The following ZNF646 variants were observed in gnomAD, a reference collection of about 807,000 sequenced individuals.
ZNF646 encodes zinc finger protein 646.
Under a neutral mutation model 115.4 loss-of-function variants are expected in ZNF646, and 49 were observed. That is an observed-to-expected ratio of 0.42 (90% confidence interval 0.34 to 0.54). The LOEUF (loss-of-function observed/expected upper bound fraction) is 0.54, where lower values mean the gene tolerates loss of function less well. Ranked by LOEUF, ZNF646 falls within the 20% of genes least tolerant of loss-of-function variation. The pLI is 0.04. For synonymous variants in ZNF646, 933 were observed against 939.0 expected, an observed-to-expected ratio of 0.99 and a Z score of 0.12; for missense variants, 2,269 against 2,457.9, an observed-to-expected ratio of 0.92 and a Z score of 1.62.
intron 2 of ZNF646, 114 bp downstream of exon 2, chr16:31,081,815 G>A: frequency 4.9e-6 from 7 of 1,426,810 alleles, no homozygotes; most frequent in South Asian, 1.5e-5. Flanking sequence ...GGGATTCTAA[G>A]AGGTGGGTGG....
chr16:31,083,956 C>T lies in ZNF646; in HGVS notation c.*864C>T. On this transcript the variant is annotated 3_prime_UTR_variant, in exon 3 of 3. Transcript: ENST00000300850. ...GCTCAAAGCGGTTGAGCAGCCTGCT[C>T]CAAGTCACACGATGACAAAGAACCA... 6.6e-7 allele frequency: 1 copy of T among 1,511,280 alleles called. No individual in the cohort carries two copies. The highest frequency in any genetic ancestry group is 8.9e-7 in the Non-Finnish European group (1 of 1,125,468). The allele number at this position is 1,511,280 out of a possible 1,614,324, so 93.6% of individuals were successfully genotyped here.
rs201332423 is a variant in ZNF646, at chr16:31,080,884, C to T, written c.4560C>T (p.Asp1520=). The T allele has an allele frequency of 2.5e-6, 4 of 1,614,118 alleles. No homozygotes were observed. Among genetic ancestry groups the T allele is most frequent in the Non-Finnish European group, 2.5e-6 (3 of 1,180,024 alleles). Residue 1520 remains aspartate (D), a synonymous_variant, in exon 2 of 3, where the codon GAC becomes GAT. Coordinates refer to ENST00000300850, the MANE Select transcript of ZNF646 (RefSeq NM_014699.4). The part of the protein sequence containing the change: ...LSHMDSWDNR[D]NSSQLQPGSH... ...ACATGGATAGCTGGGACAACAGAGA[C>T]AACAGCTCTCAGCTGCAGCCAGGGA...
At position 31,077,800 on chromosome 16, in the gene ZNF646, C is replaced by A; in HGVS notation, c.1476C>A (p.Tyr492Ter). ...GCCACAGCCATCGGACTGGAGAGTACCAGTGCTCACTCTGTCCCCGCAAGT... is the reference window on the plus strand; with the variant it reads ...GCCACAGCCATCGGACTGGAGAGTAACAGTGCTCACTCTGTCCCCGCAAGT... Reference protein sequence around the residue: ...NHRHSHRTGEYQCSLCPRKYP... With the variant: ...NHRHSHRTGE Residue 492 changes from tyrosine (Y) to a stop codon, truncating the protein, a stop_gained, in exon 2 of 3, where the codon TAC becomes TAA. Transcript: ENST00000300850. LOFTEE classifies it high-confidence loss of function. 6.2e-7 allele frequency: 1 copy of A among 1,613,930 alleles called. No homozygotes were observed. The highest frequency in any genetic ancestry group is 8.5e-7 in the Non-Finnish European group (1 of 1,180,032).
chr16:31,082,874 G>A, intron 2 of ZNF646, 97 bp from the exon 3 acceptor site: 3 of 1,476,356 alleles, frequency 2.0e-6, no homozygotes, highest in East Asian at 5.4e-5. Context: ...GGGCCTCCGG[G>A]GCCAGGGGCA....
chr16:31,078,906 C>T lies in ZNF646; in HGVS notation c.2582C>T (p.Pro861Leu). 3 of 1,613,736 alleles carry T rather than the reference C, an allele frequency of 1.9e-6. No individual in the cohort carries two copies. Among genetic ancestry groups the T allele is most frequent in the Non-Finnish European group, 2.5e-6 (3 of 1,180,032 alleles). Residue 861 changes from proline to leucine, a missense_variant, in exon 2 of 3, where the codon CCT becomes CTT. Pro to Leu is a moderately conservative substitution (Grantham distance 98). Transcript: ENST00000300850. Reference sequence around the variant, plus strand: ...TGCCCGAAGGAGTTTGACTCTCTGCCTGCCCTCCGCAGCCACTTCCAGAAC... The same window carrying T: ...TGCCCGAAGGAGTTTGACTCTCTGCTTGCCCTCCGCAGCCACTTCCAGAAC... ...SLCPKEFDSL[P>L]ALRSHFQNHR...
In ZNF646 at chr16:31,083,940, G is replaced by T; in HGVS notation, c.*848G>T. On this transcript the variant is annotated 3_prime_UTR_variant, in exon 3 of 3. Coordinates refer to ENST00000300850, the MANE Select transcript of ZNF646 (RefSeq NM_014699.4). ...AGATGAGAATACTGAGGCTCAAAGCGGTTGAGCAGCCTGCTCCAAGTCACA... is the reference window on the plus strand; with the variant it reads ...AGATGAGAATACTGAGGCTCAAAGCTGTTGAGCAGCCTGCTCCAAGTCACA... 11 of 1,527,902 alleles carry T rather than the reference G, an allele frequency of 7.2e-6. No individual in the cohort carries two copies. Among genetic ancestry groups the T allele is most frequent in the Non-Finnish European group, 9.7e-6 (11 of 1,133,260 alleles). 94.6% of individuals were successfully genotyped at this position (1,527,902 alleles called of 1,614,324 possible). A position where few individuals can be genotyped will look rare whatever the true frequency, so the allele number is the denominator to read the frequency against.
chr16:31,073,070 CGGA>C (rs1260242896), upstream of ZNF646: 1 of 138,278 alleles, frequency 7.2e-6, no homozygotes, highest in Non-Finnish European at 1.6e-5. Flanking sequence ...TGCAGAAACC[CGGA>C]GCTCCTCGCT....
Position 31,081,303 on chromosome 16 carries a change from G to C in ZNF646, c.4979G>C (p.Arg1660Thr), listed in dbSNP as rs759189473. ...RGPGESVERA[R>T]GGQAVTSMAA... ...CCAGGAGAGAGTGTGGAGAGAGCCA[G>C]GGGAGGACAAGCGGTGACGTCCATG... is the stretch of plus-strand genomic sequence containing the variant. Residue 1660 changes from arginine to threonine, a missense_variant, in exon 2 of 3, where the codon AGG becomes ACG. By Grantham distance (71) the Arg-to-Thr change is moderately conservative (BLOSUM62 -1). Coordinates refer to ENST00000300850, the MANE Select transcript of ZNF646 (RefSeq NM_014699.4). 5 of 1,613,824 alleles carry C rather than the reference G, an allele frequency of 3.1e-6. No homozygotes were observed. The Admixed American group carries it at 6.7e-5, about 22-fold the overall frequency.
chr16:31,073,109 C>T (rs1322396922), upstream of ZNF646: 4 of 152,270 alleles, frequency 2.6e-5, no homozygotes, highest in African/African-American at 7.2e-5. Flanking sequence ...TACGCGGCGC[C>T]CCCGCCAGCC....
rs144039464 is a variant in ZNF646 at position 31,080,328 on chromosome 16, A to G, written c.4004A>G (p.Tyr1335Cys). The stretch of plus-strand genomic sequence containing the variant: ...AGCTGCCCCACCTGCCCCAAGACCT[A>G]CTCCAACCGCATGGCCCTGAAGGAC... ...QYSCPTCPKT[Y>C]SNRMALKDHQ... Residue 1335 changes from tyrosine (Y) to cysteine (C), a missense_variant, in exon 2 of 3, where the codon TAC (tyrosine) becomes TGC (cysteine). Around this residue, in one of 5 missense-constraint regions of ZNF646, gnomAD observed 1,062 missense variants for 1,172.8 expected, o/e 0.91. Coordinates refer to ENST00000300850, the MANE Select transcript of ZNF646 (RefSeq NM_014699.4). 3.1e-6 allele frequency: 5 copies of G among 1,613,304 alleles called. No homozygotes were observed. In the African/African-American group the frequency reaches 6.7e-5, roughly 22 times the overall value.
Position 31,076,282 on chromosome 16 carries a change from T to C in ZNF646, c.-43T>C. On this transcript the variant is annotated 5_prime_UTR_variant, in exon 2 of 3. Transcript: ENST00000300850. ...TCCACCAGAGGAAGGTGCTGCCACG[T>C]GTCTGCTCCTTCTGAACCTCCAGGT... 2 of 1,566,928 alleles carry C rather than the reference T, an allele frequency of 1.3e-6. No homozygotes were observed. The highest frequency in any genetic ancestry group is 1.7e-6 in the Non-Finnish European group (2 of 1,152,822).
At position 31,080,303 on chromosome 16, in the gene ZNF646, A is replaced by G; in HGVS notation, c.3979A>G (p.Ser1327Gly). 1.9e-6 allele frequency: 3 copies of G among 1,613,302 alleles called. No homozygotes were observed. The highest frequency in any genetic ancestry group is 2.5e-6 in the Non-Finnish European group (3 of 1,179,870). ...GCGCAGCCACGAGACGGGCCAGTACAGCTGCCCCACCTGCCCCAAGACCTA... is the reference window on the plus strand; with the variant it reads ...GCGCAGCCACGAGACGGGCCAGTACGGCTGCCCCACCTGCCCCAAGACCTA... ...HRRSHETGQYSCPTCPKTYSN... is the reference protein window; with the variant it reads ...HRRSHETGQYGCPTCPKTYSN... Residue 1327 changes from serine to glycine, a missense_variant, in exon 2 of 3, where the codon AGC (serine) becomes GGC (glycine). This residue lies in a region of ZNF646 where 1,062 missense variants were observed against 1,172.8 expected (regional missense o/e 0.91). Transcript: ENST00000300850.
chr16:31,077,408 G>A lies in ZNF646; in HGVS notation c.1084G>A (p.Glu362Lys). 1 of 1,613,034 alleles carries A rather than the reference G, an allele frequency of 6.2e-7. No homozygotes were observed. The highest frequency in any genetic ancestry group is 1.1e-5 in the South Asian group (1 of 91,076). Residue 362 changes from glutamate to lysine, a missense_variant, in exon 2 of 3, where the codon GAG becomes AAG. By Grantham distance (56) the Glu-to-Lys change is moderately conservative. Coordinates refer to ENST00000300850, the MANE Select transcript of ZNF646 (RefSeq NM_014699.4). ...NGSAELSTSG[E>K]LEDSGLEEYR... The stretch of plus-strand genomic sequence containing the variant: ...CTCTGCGGAGCTCAGCACCTCTGGG[G>A]AGCTGGAGGACAGTGGCCTGGAGGA...
chr16:31,079,335 T>C lies in ZNF646; in HGVS notation c.3011T>C (p.Val1004Ala). 1 of 1,613,874 alleles carries C rather than the reference T, an allele frequency of 6.2e-7. No homozygotes were observed. ...GVAGDAMEMV[V>A]DSVLEDIVNS... ...GCAGGTGATGCCATGGAGATGGTCG[T>C]GGACAGTGTCTTGGAGGACATAGTG... The change falls in exon 2 of 3, where the codon GTG becomes GCG. Residue 1004 changes from valine to alanine, a missense_variant. Physicochemically the swap from Val to Ala is moderately conservative, Grantham distance 64 (BLOSUM62 0). Transcript: ENST00000300850. The surrounding 1 kb of genome is among the most constrained non-coding windows in gnomAD (Gnocchi z 5.5).
chr16:31,081,760 C>G, intron 2 of ZNF646, 59 bp downstream of exon 2: 1 of 1,490,260 alleles, frequency 6.7e-7, no homozygotes, highest in Non-Finnish European at 8.9e-7. Context: ...GGAAGTCCAG[C>G]CCCAAAGTCG....
chr16:31,083,893 G>T lies in ZNF646; in HGVS notation c.*801G>T. The T allele has an allele frequency of 3.7e-6, 6 of 1,602,970 alleles. No individual in the cohort carries two copies. In the South Asian group the frequency reaches 6.7e-5, roughly 18 times the overall value. Reference sequence around the variant, plus strand: ...CCCTCCCCATTCCTCGAAGGAACAGGGTCTGTCTTGGCCGCCATGACAGAT... The same window carrying T: ...CCCTCCCCATTCCTCGAAGGAACAGTGTCTGTCTTGGCCGCCATGACAGAT... On this transcript the variant is annotated 3_prime_UTR_variant, in exon 3 of 3. Coordinates refer to ENST00000300850, the MANE Select transcript of ZNF646 (RefSeq NM_014699.4).
Position 31,077,839 on chromosome 16 carries a change from G to C in ZNF646, c.1515G>C (p.Met505Ile), listed in dbSNP as rs370027889. The C allele has an allele frequency of 3.7e-6, 6 of 1,613,858 alleles. No individual in the cohort carries two copies. Among genetic ancestry groups the C allele is most frequent in the African/African-American group, 2.7e-5 (2 of 75,038 alleles). Residue 505 changes from methionine (M) to isoleucine (I), a missense_variant, in exon 2 of 3, where the codon ATG becomes ATC. Met to Ile is a conservative substitution (Grantham distance 10). This residue lies in a region of ZNF646 where 852 missense variants were observed against 900.2 expected (regional missense o/e 0.95). Transcript: ENST00000300850. ...GTCCCCGCAAGTACCCCAATCTCATGGCCCTGCGCAACCACGTGCGGGTAC... is the reference window on the plus strand; with the variant it reads ...GTCCCCGCAAGTACCCCAATCTCATCGCCCTGCGCAACCACGTGCGGGTAC... The part of the protein sequence containing the change: ...SLCPRKYPNL[M>I]ALRNHVRVHC...
At position 31,081,092 on chromosome 16, in the gene ZNF646, T is replaced by A; in HGVS notation, c.4768T>A (p.Cys1590Ser). ...IDAQTFACPD[C>S]GKAFESHQEL... ...CGCCCAGACCTTTGCCTGTCCTGACTGTGGCAAAGCCTTTGAGTCCCACCA... is the reference window on the plus strand; with the variant it reads ...CGCCCAGACCTTTGCCTGTCCTGACAGTGGCAAAGCCTTTGAGTCCCACCA... Residue 1590 changes from cysteine (C) to serine (S), a missense_variant, in exon 2 of 3, where the codon TGT (cysteine) becomes AGT (serine). Cys to Ser is a moderately radical substitution (Grantham distance 112). This residue lies in a region of ZNF646 where 1,062 missense variants were observed against 1,172.8 expected (regional missense o/e 0.91). Transcript: ENST00000300850. 6.2e-7 allele frequency: 1 copy of A among 1,613,676 alleles called. No homozygotes were observed. The highest frequency in any genetic ancestry group is 2.2e-5 in the East Asian group (1 of 44,884).
At chr16:31,076,198 G>A in intron 1 of ZNF646, 48 bp from the exon 2 acceptor site, 2 of 1,307,806 alleles carry the variant, frequency 1.5e-6, no homozygotes, top group South Asian at 3.2e-5. Context: ...GAGCCAAGAG[G>A]CGAAGTTAAT....
Sources: allele counts gnomAD v4.1 joint callset, GRCh38; gene constraint gnomAD v4.1.1; regional missense constraint gnomAD v4.1.1; non-coding constraint Gnocchi (gnomAD v3.1); transcripts MANE v1.5; gene names NCBI Gene and HGNC (gene_info 2026-07-23, HGNC 2026-07-21).